EP400: variants seen among roughly 807,000 people sequenced by gnomAD.
EP400 encodes the protein E1A binding protein p400.
Under a neutral mutation model 354.1 loss-of-function variants are expected in EP400, and 105 were observed. The observed-to-expected ratio is 0.30, with a 90% CI of 0.25 to 0.35. EP400 has a LOEUF of 0.35. Ranked by LOEUF, EP400 falls within the 10% of genes least tolerant of loss-of-function variation. EP400 has a pLI of 1.00. For synonymous variants in EP400, 1,646 were observed against 1,716.9 expected (o/e 0.96, Z 1.02); for missense variants, 3,280 against 4,121.0 (o/e 0.80, Z 5.59).
At chr12:132,035,969 G>A (rs1164690770) in intron 30 of EP400, among the ~76,000 whole-genome samples, 28 of 126,412 alleles carry the variant, frequency 2.2e-4, no homozygotes, top group Middle Eastern at 0.015. Context: ...ATCGTGGAAC[G>A]ACACACCCAG....
chr12:132,020,120 C>T lies in EP400; in HGVS notation c.4349C>T (p.Pro1450Leu), dbSNP rs754483213. 2 of 1,611,354 alleles carry T rather than the reference C, an allele frequency of 1.2e-6. No individual in the cohort carries two copies. The highest frequency in any genetic ancestry group is 2.2e-5 in the South Asian group (2 of 90,306). Residue 1450 changes from proline to leucine, a missense_variant, in exon 22 of 53, where the codon CCC becomes CTC. Coordinates refer to ENST00000389561, the MANE Select transcript of EP400 (RefSeq NM_015409.5). ...GTGGCTTTCCCCAGCACTCACCCGC[C>T]CCGGACGGCAGCCCCCACCACGGCC... ...RTVAFPSTHP[P>L]RTAAPTTASA...
At chr12:132,034,330 T>C (rs1894620395) in intron 30 of EP400, among the ~76,000 whole-genome samples, 1 of 152,250 alleles carries the variant, frequency 6.6e-6, no homozygotes, top group South Asian at 2.1e-4. Context: ...CAGGATGGGC[T>C]GTGCCAAGTG....
intron 45 of EP400, among the ~76,000 whole-genome samples, chr12:132,055,728 GGT>G (rs370093097): frequency 1.2e-4 from 17 of 145,838 alleles, no homozygotes; most frequent in East Asian, 6.3e-4. Context: ...GAAGTGTAGG[GGT>G]GTGTGTGTGA....
chr12:131,955,972 T>G (rs1891684802), intron 1 of EP400, among the ~76,000 whole-genome samples: 1 of 152,216 alleles, frequency 6.6e-6, no homozygotes, highest in Admixed American at 6.5e-5. Flanking sequence ...AGAGACACAT[T>G]CCATCTTGTA....
intron 48 of EP400, chr12:132,066,544 G>A (rs1242886728): frequency 3.8e-6 from 2 of 521,690 alleles, no homozygotes; most frequent in African/African-American, 4.0e-5. Context: ...GCAGCAGCAT[G>A]TGTGATGAGC....
intron 30 of EP400, 27 bp from the exon 31 acceptor site, chr12:132,037,655 T>A (rs538375923): frequency 6.3e-7 from 1 of 1,591,988 alleles, no homozygotes; most frequent in African/African-American, 1.3e-5. Context: ...GGTGACTGAC[T>A]TAGCATCTTA....
chr12:132,045,701 G>A (rs778629770), intron 38 of EP400, 26 bp from the exon 39 acceptor site: 6 of 1,613,400 alleles, frequency 3.7e-6, no homozygotes, highest in South Asian at 1.1e-5. Context: ...GTATTCACCT[G>A]TTTTACCTGA....
chr12:131,980,782 T>G (rs1374221593), intron 3 of EP400, among the ~76,000 whole-genome samples: 2 of 152,194 alleles, frequency 1.3e-5, no homozygotes, highest in Admixed American at 1.3e-4. Flanking sequence ...CTCAAACTCC[T>G]GGGCTCAAGT....
At chr12:132,076,418 G>GT (rs991841911) in intron 51 of EP400, 98 bp from the exon 52 acceptor site, 12 of 1,223,314 alleles carry the variant, frequency 9.8e-6, no homozygotes, top group African/African-American at 7.5e-5. Context: ...TGGTCATTGT[G>GT]TTTTTTGCAT....
At chr12:131,987,652 T>C in intron 6 of EP400, 53 bp from the exon 7 acceptor site, 1 of 1,482,278 alleles carries the variant, frequency 6.7e-7, no homozygotes, top group Non-Finnish European at 9.0e-7. Flanking sequence ...TCTGAGTTGG[T>C]GGAACACACT....
At chr12:131,950,197 A>G (rs1435703337) in intron 1 of EP400, among the ~76,000 whole-genome samples, 161 bp downstream of exon 1, 10 of 149,604 alleles carry the variant, frequency 6.7e-5, no homozygotes, top group Non-Finnish European at 1.2e-4. Context: ...GTCGTGAGCG[A>G]CCCCGGGCGG....
In EP400 at chr12:132,062,618, A is replaced by G. The variant is rs1895743773; in HGVS notation, c.8251A>G (p.Thr2751Ala). 1.2e-6 allele frequency: 2 copies of G among 1,610,910 alleles called. No homozygotes were observed. Among genetic ancestry groups the G allele is most frequent in the Non-Finnish European group, 1.7e-6 (2 of 1,178,186 alleles). The change falls in exon 47 of 53, where the codon ACG becomes GCG. Residue 2751 changes from threonine (T) to alanine (A), a missense_variant. Around this residue, in one of 20 missense-constraint regions of EP400, gnomAD observed 47 missense variants for 55.6 expected, o/e 0.85. Coordinates refer to ENST00000389561, the MANE Select transcript of EP400 (RefSeq NM_015409.5). ...QQQQQQQQTT[T>A]TSQVQVPQIQ... ...ACAGCAGCAGCAGCAACAGACGACGACGACCTCTCAGGTGCAAGTTCCACA... is the reference window on the plus strand; with the variant it reads ...ACAGCAGCAGCAGCAACAGACGACGGCGACCTCTCAGGTGCAAGTTCCACA...
intron 2 of EP400, among the ~76,000 whole-genome samples, chr12:131,970,537 A>G (rs188486378): frequency 1.3e-5 from 2 of 152,286 alleles, no homozygotes; most frequent in East Asian, 3.9e-4. Flanking sequence ...CCCAAATTGG[A>G]AAGAACCAGA....
At chr12:132,021,413 C>A in intron 23 of EP400, 92 bp downstream of exon 23, 1 of 1,414,536 alleles carries the variant, frequency 7.1e-7, no homozygotes, top group Non-Finnish European at 9.2e-7. Flanking sequence ...GCCTTGCTGT[C>A]CACTCCTTTG....
At chr12:132,061,849 CT>C (rs1358299146) in intron 45 of EP400, among the ~76,000 whole-genome samples, 3 of 152,234 alleles carry the variant, frequency 2.0e-5, no homozygotes, top group Non-Finnish European at 2.9e-5. Flanking sequence ...ACAGGACGGC[CT>C]TTCCAGCATG....
intron 45 of EP400, among the ~76,000 whole-genome samples, chr12:132,061,187 A>G (rs1402447744): frequency 2.0e-5 from 3 of 152,182 alleles, no homozygotes; most frequent in African/African-American, 7.2e-5. Context: ...TAGGAAAAGC[A>G]TGGAGTATTT....
At chr12:132,004,693 T>G (rs1324828108) in intron 12 of EP400, among the ~76,000 whole-genome samples, 2 of 152,196 alleles carry the variant, frequency 1.3e-5, no homozygotes, top group African/African-American at 4.8e-5. Flanking sequence ...TTTTAAAAAT[T>G]TGCATAAATT....
At chr12:132,024,608 C>G (rs1894234236) in intron 24 of EP400, among the ~76,000 whole-genome samples, 1 of 152,178 alleles carries the variant, frequency 6.6e-6, no homozygotes, top group Non-Finnish European at 1.5e-5. Flanking sequence ...GGCGCCTTGT[C>G]CCCGTGGTGG....
At position 132,013,418 on chromosome 12, in the gene EP400, G is replaced by A; in HGVS notation, c.3612-72G>A. 1.3e-6 allele frequency: 2 copies of A among 1,500,294 alleles called. No individual in the cohort carries two copies. Among genetic ancestry groups the A allele is most frequent in the Non-Finnish European group, 1.8e-6 (2 of 1,120,230 alleles). The allele number at this position is 1,500,294 out of a possible 1,614,324, so 92.9% of individuals were successfully genotyped here. On this transcript the variant is annotated intron_variant, in intron 17 of 52. Coordinates refer to ENST00000389561, the MANE Select transcript of EP400 (RefSeq NM_015409.5). The surrounding 1 kb of genome is among the most constrained non-coding windows in gnomAD (Gnocchi z 4.5). ...ATTACTGTCCCTTTTCTCACACATT[G>A]TCAGAGAAGATGCTGCTGCAGCCAG...
Sources: gnomAD v4.1 joint callset for allele counts (sites outside exome capture counted in the v4.1 genomes callset) on GRCh38, gnomAD v4.1.1 for gene constraint, gnomAD v4.1.1 regional missense constraint, Gnocchi (gnomAD v3.1) non-coding constraint, MANE v1.5 for transcripts, NCBI Gene and HGNC (gene_info 2026-07-23, HGNC 2026-07-21) for gene names.